The following THSD4 variants were observed in gnomAD, a reference collection of about 807,000 sequenced individuals.
THSD4 encodes thrombospondin type 1 domain containing 4, also known as thrombospondin type-1 domain-containing protein 4.
THSD4 carries 69 observed loss-of-function variants against 119.0 expected under a neutral mutation model. The ratio of observed to expected loss-of-function variants is 0.58; its 90% CI spans 0.48 to 0.71. The LOEUF (loss-of-function observed/expected upper bound fraction) is 0.71. Ranked by LOEUF, THSD4 falls within the 30% of genes least tolerant of loss-of-function variation. The pLI, the probability that THSD4 is intolerant of heterozygous loss-of-function variation, is 0.00. For synonymous variants in THSD4, 524 were observed against 540.4 expected (o/e 0.97, Z 0.42); for missense variants, 1,393 against 1,391.1 (o/e 1.00, Z -0.02).
chr15:71,242,240 G>A (rs903443428), intron 4 of THSD4, among the ~76,000 whole-genome samples: 2 of 152,102 alleles, frequency 1.3e-5, no homozygotes, highest in Non-Finnish European at 2.9e-5. Context: ...GAAAAAAAAA[G>A]TGAACAGGAA....
At chr15:71,689,800 CG>C (rs1303906497) in intron 8 of THSD4, among the ~76,000 whole-genome samples, 1 of 152,158 alleles carries the variant, frequency 6.6e-6, no homozygotes, top group Non-Finnish European at 1.5e-5. Context: ...AGAGATTCCT[CG>C]GGTGTTATTT....
In THSD4 at chr15:71,159,882, C is replaced by T. The variant is rs189750100; in HGVS notation, c.99+4950C>T. ...CTGTTCTTAGAGGAAAAGGTGAAAG[C>T]TTTGCTCAGTATAATGTTAATATAA... On this transcript the variant is annotated intron_variant, in intron 3 of 17. Transcript: ENST00000261862. Among the ~76,000 whole-genome samples, 227 of 152,080 alleles carry T rather than the reference C, an allele frequency of 1.5e-3. 1 individual carries two copies. Among genetic ancestry groups the T allele is most frequent in the Middle Eastern group, 3.4e-3 (1 of 294 alleles).
At chr15:71,515,617 C>T (rs1009997853) in intron 7 of THSD4, among the ~76,000 whole-genome samples, 1 of 152,154 alleles carries the variant, frequency 6.6e-6, no homozygotes, top group Non-Finnish European at 1.5e-5. Flanking sequence ...TAAAGCATTC[C>T]TTTCAAGGGC....
At chr15:71,577,754 C>T (rs763274970) in intron 7 of THSD4, among the ~76,000 whole-genome samples, 1 of 8,626 alleles carries the variant, frequency 1.2e-4, no homozygotes, top group East Asian at 0.01. Flanking sequence ...GGAGTCTTGC[C>T]CTGTTGCCCA....
chr15:71,215,080 G>A lies in THSD4; in HGVS notation c.145G>A (p.Gly49Ser), dbSNP rs1302607937. ...GGAGGGCGCCCCCGAGGACGACGGCGGCGGCGGCGCCCCGGGAGTGTGGGG... is the reference window on the plus strand; with the variant it reads ...GGAGGGCGCCCCCGAGGACGACGGCAGCGGCGGCGCCCCGGGAGTGTGGGG... The part of the protein sequence containing the change: ...AAEGAPEDDG[G>S]GGAPGVWGAW... The change falls in exon 4 of 18, where the codon GGC (glycine) becomes AGC (serine). Residue 49 changes from glycine to serine, a missense_variant. Transcript: ENST00000261862. The A allele has an allele frequency of 6.9e-6, 9 of 1,302,474 alleles. No individual in the cohort carries two copies. The highest frequency in any genetic ancestry group is 6.2e-5 in the African/African-American group (4 of 64,490). The allele number at this position is 1,302,474 out of a possible 1,614,324, so 80.7% of individuals were successfully genotyped here.
At chr15:71,103,229 A>G (rs2040260934) in intron 1 of THSD4, among the ~76,000 whole-genome samples, 1 of 151,792 alleles carries the variant, frequency 6.6e-6, no homozygotes, top group Admixed American at 6.6e-5. Flanking sequence ...CTGTGGTTTC[A>G]ATATCATTTC....
chr15:71,402,379 A>G (rs1051073256), intron 6 of THSD4, among the ~76,000 whole-genome samples: 5 of 152,146 alleles, frequency 3.3e-5, no homozygotes, highest in Non-Finnish European at 4.4e-5. Context: ...TATGATGACT[A>G]TGTACATGCA....
At chr15:71,346,868 CTTTTTTT>C (rs71154763) in intron 6 of THSD4, among the ~76,000 whole-genome samples, 6 of 86,010 alleles carry the variant, frequency 7.0e-5, no homozygotes, top group Non-Finnish European at 1.0e-4. Flanking sequence ...TTTTCATTTT[CTTTTTTT>C]TTTTTTTTTT....
At chr15:71,572,607 T>G (rs775091668) in intron 7 of THSD4, among the ~76,000 whole-genome samples, 1 of 152,092 alleles carries the variant, frequency 6.6e-6, no homozygotes, top group Non-Finnish European at 1.5e-5. Context: ...AATGTGATAC[T>G]TAATATTAGG....
At chr15:71,332,229 G>A (rs1012298794) in intron 6 of THSD4, among the ~76,000 whole-genome samples, 1 of 152,204 alleles carries the variant, frequency 6.6e-6, no homozygotes, top group Non-Finnish European at 1.5e-5. Context: ...CACAGCTACA[G>A]TGATGGATTT....
chr15:71,104,756 G>A (rs1284094881), intron 1 of THSD4, among the ~76,000 whole-genome samples: 5 of 152,128 alleles, frequency 3.3e-5, no homozygotes, highest in South Asian at 4.1e-4. Flanking sequence ...GGTTATAGGC[G>A]GATTCAGAGA....
chr15:71,599,994 A>C (rs1389854132), intron 7 of THSD4, among the ~76,000 whole-genome samples: 11 of 152,266 alleles, frequency 7.2e-5, no homozygotes, highest in Admixed American at 7.2e-4. Context: ...AGGCGTGGTT[A>C]GTGTCTTCTT....
chr15:71,300,003 T>C (rs1423976277), intron 6 of THSD4, among the ~76,000 whole-genome samples: 1 of 136,394 alleles, frequency 7.3e-6, no homozygotes. Flanking sequence ...ATATATATAT[T>C]AGCCATGGGT....
rs542266341 is a variant in THSD4, at chr15:71,255,433, A to C, written c.913-1180A>C. Among the ~76,000 whole-genome samples, 4 of 152,356 alleles carry C rather than the reference A, an allele frequency of 2.6e-5. No individual in the cohort carries two copies. In the South Asian group the frequency reaches 6.2e-4, roughly 24 times the overall value. ...GAGGAAGAGATAAGCCAGAGGGAGC[A>C]GTATGTTTTCCTTGAGTAGTCTAGT... On this transcript the variant is annotated intron_variant, in intron 5 of 17. Coordinates refer to ENST00000261862, the MANE Select transcript of THSD4 (RefSeq NM_024817.3).
chr15:71,613,107 G>A (rs890364111), intron 7 of THSD4, among the ~76,000 whole-genome samples: 1 of 152,194 alleles, frequency 6.6e-6, no homozygotes, highest in Non-Finnish European at 1.5e-5. Flanking sequence ...AGTCAAGGGT[G>A]TAGTATTTGT....
chr15:71,668,989 A>G (rs542573860), intron 8 of THSD4, among the ~76,000 whole-genome samples: 1 of 152,322 alleles, frequency 6.6e-6, no homozygotes, highest in Non-Finnish European at 1.5e-5. Context: ...ATATCTTTTC[A>G]TACTTATATA....
intron 6 of THSD4, among the ~76,000 whole-genome samples, chr15:71,363,471 A>G (rs985682958): frequency 6.6e-6 from 1 of 152,078 alleles, no homozygotes; most frequent in Admixed American, 6.5e-5. Flanking sequence ...GGCAGGGGAG[A>G]CCTGAAAAGG....
intron 8 of THSD4, among the ~76,000 whole-genome samples, chr15:71,693,392 A>T (rs1342632901): frequency 6.6e-6 from 1 of 152,204 alleles, no homozygotes; most frequent in Non-Finnish European, 1.5e-5. Flanking sequence ...CACACCTGTA[A>T]TCCCAGCACT....
At chr15:71,598,229 C>T (rs1022373598) in intron 7 of THSD4, among the ~76,000 whole-genome samples, 2 of 152,130 alleles carry the variant, frequency 1.3e-5, no homozygotes, top group African/African-American at 4.8e-5. Flanking sequence ...GAAGACCCTT[C>T]CAGGCCAAGG....
Sources: allele counts gnomAD v4.1 joint callset (sites outside exome capture counted in the v4.1 genomes callset), GRCh38; gene constraint gnomAD v4.1.1; transcripts MANE v1.5; gene names NCBI Gene and HGNC (gene_info 2026-07-23, HGNC 2026-07-21).